The following PXDNL variants were observed in gnomAD, a reference collection of about 807,000 sequenced individuals.
PXDNL encodes the protein peroxidasin like, also known as probable oxidoreductase PXDNL.
In PXDNL, 145 loss-of-function variants were observed where a neutral mutation model predicts 150.8. That is an observed-to-expected ratio of 0.96 (90% confidence interval 0.84 to 1.10). PXDNL has a LOEUF of 1.10. Among genes scored for constraint, PXDNL ranks in the 50% least tolerant of loss-of-function variants. The pLI, the probability that PXDNL is intolerant of heterozygous loss-of-function variation, is 0.00. For synonymous variants in PXDNL, 757 were observed against 725.7 expected (o/e 1.04, Z -0.69); for missense variants, 2,087 against 1,873.9 (o/e 1.11, Z -2.10).
chr8:51,668,979 A>T (rs1815443637), intron 1 of PXDNL, among the ~76,000 whole-genome samples: 1 of 152,202 alleles, frequency 6.6e-6, no homozygotes, highest in South Asian at 2.1e-4. Flanking sequence ...TTTGGAGAAA[A>T]TAAATATTAA....
intron 3 of PXDNL, among the ~76,000 whole-genome samples, chr8:51,586,897 C>G (rs888031353): frequency 6.6e-6 from 1 of 152,092 alleles, no homozygotes; most frequent in African/African-American, 2.4e-5. Flanking sequence ...ATAACCATGG[C>G]CAGAAACAGA....
Position 51,691,407 on chromosome 8 carries a change from C to T in PXDNL, c.165-36647G>A, listed in dbSNP as rs181265266. Among the ~76,000 whole-genome samples, 131 of 152,198 alleles carry T rather than the reference C, an allele frequency of 8.6e-4. 1 individual carries two copies. The highest frequency in any genetic ancestry group is 2.9e-3 in the African/African-American group (122 of 41,530). On this transcript the variant is annotated intron_variant, in intron 1 of 22. Coordinates refer to ENST00000356297, the MANE Select transcript of PXDNL (RefSeq NM_144651.5). The stretch of plus-strand genomic sequence containing the variant: ...GCCTATGGCTAGCCAGTTTTCCCAG[C>T]ACCATTTATTAAATAGGGAATCTTT...
chr8:51,681,540 G>A (rs577997850), intron 1 of PXDNL, among the ~76,000 whole-genome samples: 2 of 152,362 alleles, frequency 1.3e-5, no homozygotes, highest in South Asian at 2.1e-4. Context: ...TGCTGCTGCA[G>A]ATCTGGGGGT....
At chr8:51,544,558 C>A (rs1812311204) in intron 4 of PXDNL, among the ~76,000 whole-genome samples, 1 of 152,094 alleles carries the variant, frequency 6.6e-6, no homozygotes, top group Non-Finnish European at 1.5e-5. Context: ...TAACCTAATG[C>A]AACATAAAGA....
intron 1 of PXDNL, among the ~76,000 whole-genome samples, chr8:51,754,705 G>C (rs1389846496): frequency 6.6e-6 from 1 of 151,970 alleles, no homozygotes; most frequent in Non-Finnish European, 1.5e-5. Context: ...CGGTTTCACC[G>C]TGTTAGGTAG....
chr8:51,571,845 A>C (rs1330977392), intron 3 of PXDNL, among the ~76,000 whole-genome samples: 1 of 151,878 alleles, frequency 6.6e-6, no homozygotes, highest in Non-Finnish European at 1.5e-5. Context: ...TTTGTAAGAC[A>C]GTATACAAAA....
chr8:51,564,887 GTTGA>G (rs1198167164), intron 3 of PXDNL, among the ~76,000 whole-genome samples: 3 of 151,888 alleles, frequency 2.0e-5, no homozygotes, highest in African/African-American at 7.2e-5. Flanking sequence ...AGAGATTTGT[GTTGA>G]TTGTTTGGGA....
chr8:51,371,292 A>G (rs1450741018), intron 19 of PXDNL, among the ~76,000 whole-genome samples: 1 of 152,262 alleles, frequency 6.6e-6, no homozygotes, highest in African/African-American at 2.4e-5. Flanking sequence ...GGAGAAAGAA[A>G]TCCACATTTC....
chr8:51,353,399 A>T (rs1396151123), intron 19 of PXDNL, among the ~76,000 whole-genome samples: 1 of 151,832 alleles, frequency 6.6e-6, no homozygotes. Flanking sequence ...TTTTAATAAA[A>T]CTACAAGTTT....
intron 17 of PXDNL, among the ~76,000 whole-genome samples, chr8:51,400,453 A>G (rs909312621): frequency 6.7e-4 from 102 of 151,908 alleles, no homozygotes; most frequent in Non-Finnish European, 4.4e-5. Context: ...AACTTCTAAA[A>G]CGCGTTACTA....
intron 1 of PXDNL, among the ~76,000 whole-genome samples, chr8:51,735,540 T>G (rs1481267863): frequency 3.4e-5 from 4 of 118,208 alleles, no homozygotes; most frequent in African/African-American, 1.5e-4. Context: ...TTTTTTTTTT[T>G]TTTTTTTTTT....
At chr8:51,528,145 A>G (rs1317545385) in intron 4 of PXDNL, among the ~76,000 whole-genome samples, 2 of 152,232 alleles carry the variant, frequency 1.3e-5, no homozygotes, top group Admixed American at 6.5e-5. Flanking sequence ...TAAGTTATTT[A>G]TACAATTACC....
intron 17 of PXDNL, among the ~76,000 whole-genome samples, chr8:51,390,501 T>C (rs917306287): frequency 1.3e-5 from 2 of 152,182 alleles, no homozygotes; most frequent in African/African-American, 2.4e-5. Flanking sequence ...TAAGTACAAA[T>C]ATTAATTCAT....
intron 21 of PXDNL, among the ~76,000 whole-genome samples, chr8:51,337,351 GTGATATATGAGTTAA>G (rs1586011404): frequency 6.6e-6 from 1 of 152,184 alleles, no homozygotes; most frequent in African/African-American, 2.4e-5. Context: ...AGTTTGTTGA[GTGATATATGAGTTAA>G]TGTTTAAATT....
chr8:51,568,138 A>T (rs1162370285), intron 3 of PXDNL, among the ~76,000 whole-genome samples: 1 of 151,626 alleles, frequency 6.6e-6, no homozygotes, highest in Non-Finnish European at 1.5e-5. Context: ...ACAAATTTTT[A>T]TCCGTTATAT....
intron 19 of PXDNL, among the ~76,000 whole-genome samples, chr8:51,370,344 T>C (rs1273022374): frequency 6.6e-6 from 1 of 152,108 alleles, no homozygotes; most frequent in Non-Finnish European, 1.5e-5. Flanking sequence ...ATGCCATCTA[T>C]CTCTCCCTCT....
At chr8:51,377,078 T>A (rs1046462474) in intron 17 of PXDNL, among the ~76,000 whole-genome samples, 8 of 147,212 alleles carry the variant, frequency 5.4e-5, no homozygotes, top group Admixed American at 1.4e-4. Context: ...AATGTCACCA[T>A]CAAATCTGAA....
Position 51,366,571 on chromosome 8 carries a change from T to C in PXDNL, c.3901+5302A>G, listed in dbSNP as rs185376897. ...CATGTATACAGACATAGAAGATACG[T>C]TTTACGTATTTATGTATATAATGCA... On this transcript the variant is annotated intron_variant, in intron 19 of 22. Transcript: ENST00000356297. 9.4e-4 allele frequency among the ~76,000 whole-genome samples: 142 copies of C among 151,734 alleles called. No individual in the cohort carries two copies. The Middle Eastern group carries it at 0.01, about 11-fold the overall frequency.
At chr8:51,416,723 C>T (rs1052248625) in intron 14 of PXDNL, among the ~76,000 whole-genome samples, 1 of 152,056 alleles carries the variant, frequency 6.6e-6, no homozygotes, top group East Asian at 1.9e-4. Flanking sequence ...AGAAGTCAAC[C>T]AGTGTGTAAA....
Sources: gnomAD v4.1 joint callset for allele counts (sites outside exome capture counted in the v4.1 genomes callset) on GRCh38, gnomAD v4.1.1 for gene constraint, MANE v1.5 for transcripts, NCBI Gene and HGNC (gene_info 2026-07-23, HGNC 2026-07-21) for gene names.